TSPAN3: variants seen among roughly 807,000 people sequenced by gnomAD.
The protein encoded by TSPAN3 is tetraspanin-3.
Under a neutral mutation model 31.1 loss-of-function variants are expected in TSPAN3, and 9 were observed. That is an observed-to-expected ratio of 0.29 (90% CI 0.17 to 0.50). The LOEUF (loss-of-function observed/expected upper bound fraction) is 0.50, where lower values mean the gene tolerates loss of function less well. Among genes scored for constraint, TSPAN3 ranks in the 20% least tolerant of loss-of-function variants. The pLI is 0.98. For synonymous variants in TSPAN3, 129 were observed against 114.3 expected (o/e 1.13, Z -0.82); for missense variants, 252 against 313.5 (o/e 0.80, Z 1.48).
At position 77,053,565 on chromosome 15, in the gene TSPAN3, A is replaced by G. The variant is rs142938442; in HGVS notation, c.432+613T>C. 1.8e-3 allele frequency among the ~76,000 whole-genome samples: 268 copies of G among 149,918 alleles called. 1 individual carries two copies. The highest frequency in any genetic ancestry group is 6.0e-3 in the African/African-American group (243 of 40,832). On this transcript the variant is annotated intron_variant, in intron 4 of 6. Transcript: ENST00000267970. The stretch of plus-strand genomic sequence containing the variant: ...AAAATCTTCATGTCTTACATGTTAA[A>G]TATCTGGTTCCATGTTAAATATTAT...
At chr15:77,061,331 C>G (rs1219118335) in intron 1 of TSPAN3, among the ~76,000 whole-genome samples, 5 of 152,064 alleles carry the variant, frequency 3.3e-5, no homozygotes, top group African/African-American at 1.2e-4. Context: ...AATTCGAGAC[C>G]GGCCTGACCA....
chr15:77,063,478 G>A (rs1000237240), intron 1 of TSPAN3: 1 of 151,902 alleles, frequency 6.6e-6, no homozygotes, highest in Admixed American at 6.6e-5. Flanking sequence ...CTTACTTGTA[G>A]CTAGGATTAC....
chr15:77,059,042 G>C (rs569867583), intron 1 of TSPAN3, among the ~76,000 whole-genome samples: 1 of 152,138 alleles, frequency 6.6e-6, no homozygotes, highest in Non-Finnish European at 1.5e-5. Context: ...AAGTGGGGGG[G>C]AGTGGAGAAG....
At chr15:77,057,121 C>T (rs549284010) in intron 1 of TSPAN3, among the ~76,000 whole-genome samples, 1 of 152,366 alleles carries the variant, frequency 6.6e-6, no homozygotes, top group Non-Finnish European at 1.5e-5. Context: ...GCTGCAGAGT[C>T]TTACTTTCTC....
rs2152695780 is a variant in TSPAN3 at position 77,052,481 on chromosome 15, C to G, written c.586-13G>C. ...GAGCCTCACACCCCTGTAACAAACA[C>G]AGTCATCCTCGTTAGAAGTGTTCTT... On this transcript the variant is annotated splice_polypyrimidine_tract_variant and intron_variant, in intron 5 of 6. Transcript: ENST00000267970. 1 of 1,610,322 alleles carries G rather than the reference C, an allele frequency of 6.2e-7. No individual in the cohort carries two copies. The highest frequency in any genetic ancestry group is 1.1e-5 in the South Asian group (1 of 91,028).
At chr15:77,052,971 A>AGTTTTTCTGT in intron 4 of TSPAN3, 42 bp from the exon 5 acceptor site, 1 of 1,578,388 alleles carries the variant, frequency 6.3e-7, no homozygotes, top group Non-Finnish European at 8.6e-7. Flanking sequence ...ACAAAAACCA[A>AGTTTTTCTGT]ATACCTGAAG....
intron 1 of TSPAN3, among the ~76,000 whole-genome samples, chr15:77,063,038 G>A (rs1568544948): frequency 6.6e-6 from 1 of 152,108 alleles, no homozygotes. Context: ...TAGAATAATA[G>A]TTAAAATTAT....
chr15:77,057,553 T>C (rs1476992531), intron 1 of TSPAN3, among the ~76,000 whole-genome samples: 1 of 152,240 alleles, frequency 6.6e-6, no homozygotes, highest in Non-Finnish European at 1.5e-5. Flanking sequence ...TTTTTTAAAA[T>C]GTAACATGAA....
chr15:77,055,798 G>A lies in TSPAN3; in HGVS notation c.321C>T (p.Tyr107=). The A allele has an allele frequency of 6.2e-7, 1 of 1,609,292 alleles. No homozygotes were observed. The highest frequency in any genetic ancestry group is 8.5e-7 in the Non-Finnish European group (1 of 1,178,802). The change falls in exon 3 of 7, where the codon TAC becomes TAT. Residue 107 remains tyrosine, a synonymous_variant. Coordinates refer to ENST00000267970, the MANE Select transcript of TSPAN3 (RefSeq NM_005724.6). ...ACAGTAGACAACATACCTTTGCTCT[G>A]TAAACATATCCCAAAACCACTACAA... ...EVVVVVLGYV[Y]RAKVENEVDR...
At chr15:77,062,649 A>T (rs190235287) in intron 1 of TSPAN3, among the ~76,000 whole-genome samples, 5 of 152,340 alleles carry the variant, frequency 3.3e-5, no homozygotes, top group African/African-American at 7.2e-5. Context: ...CTGGCAATAC[A>T]TATCTGCCTC....
At chr15:77,058,937 C>A (rs1227553026) in intron 1 of TSPAN3, among the ~76,000 whole-genome samples, 3 of 152,164 alleles carry the variant, frequency 2.0e-5, no homozygotes, top group Non-Finnish European at 4.4e-5. Context: ...AATATAAACA[C>A]TGTACTTACA....
At chr15:77,048,202 A>G (rs993954944) in intron 6 of TSPAN3, among the ~76,000 whole-genome samples, 12 of 152,252 alleles carry the variant, frequency 7.9e-5, no homozygotes, top group African/African-American at 2.9e-4. Flanking sequence ...AGACCGATGA[A>G]GTACCTAATT....
Position 77,042,342 on chromosome 15 carries a change from T to C in TSPAN3, c.*4493A>G, listed in dbSNP as rs1027234389. On this transcript the variant is annotated 3_prime_UTR_variant, in exon 7 of 7. Transcript: ENST00000267970. ...AGTAAGACAAGCTCTGTCAATCATC[T>C]ATAGGACAAGAAGCAAAGACACCCC... 1.3e-5 allele frequency: 2 copies of C among 152,148 alleles called. No individual in the cohort carries two copies. Among genetic ancestry groups the C allele is most frequent in the Non-Finnish European group, 2.9e-5 (2 of 68,026 alleles). 9.4% of individuals were successfully genotyped at this position (152,148 alleles called of 1,614,324 possible). A position where few individuals can be genotyped will look rare whatever the true frequency, so the allele number is the denominator to read the frequency against.
chr15:77,049,247 G>A (rs1270929473), intron 6 of TSPAN3, among the ~76,000 whole-genome samples: 2 of 152,134 alleles, frequency 1.3e-5, no homozygotes, highest in African/African-American at 2.4e-5. Context: ...TGGTAATTGA[G>A]GAGGAGGAGG....
At chr15:77,050,872 G>A (rs186364937) in intron 6 of TSPAN3, among the ~76,000 whole-genome samples, 59 of 152,262 alleles carry the variant, frequency 3.9e-4, no homozygotes, top group Middle Eastern at 3.4e-3. Context: ...GCTTTTTAAT[G>A]AATCATTTCA....
In TSPAN3 at chr15:77,053,930, T is replaced by C. The variant is rs192661689; in HGVS notation, c.432+248A>G. Among the ~76,000 whole-genome samples, 327 of 152,122 alleles carry C rather than the reference T, an allele frequency of 2.1e-3. 1 individual carries two copies. Among genetic ancestry groups the C allele is most frequent in the Non-Finnish European group, 3.2e-3 (220 of 68,002 alleles). On this transcript the variant is annotated intron_variant, in intron 4 of 6. Coordinates refer to ENST00000267970, the MANE Select transcript of TSPAN3 (RefSeq NM_005724.6). ...GTCATCACCCCTTTGGCTAAGTACT[T>C]TGGGAGAGTACAGACTGGGGTCAGG... is the stretch of plus-strand genomic sequence containing the variant.
chr15:77,055,705 C>T, intron 3 of TSPAN3, 84 bp downstream of exon 3: 1 of 1,073,418 alleles, frequency 9.3e-7, no homozygotes, highest in Non-Finnish European at 1.4e-6. Context: ...AATGTTTACT[C>T]TGATAAAATG....
At chr15:77,057,694 T>A (rs565570032) in intron 1 of TSPAN3, among the ~76,000 whole-genome samples, 3 of 152,332 alleles carry the variant, frequency 2.0e-5, no homozygotes, top group Non-Finnish European at 4.4e-5. Flanking sequence ...TGCTCACTTT[T>A]TCATTCTCTT....
At chr15:77,050,560 A>ATATACAT (rs2076723821) in intron 6 of TSPAN3, among the ~76,000 whole-genome samples, 1 of 152,230 alleles carries the variant, frequency 6.6e-6, no homozygotes, top group Non-Finnish European at 1.5e-5. Flanking sequence ...TATTTTTATC[A>ATATACAT]GTCTTCTATA....
Sources: gnomAD v4.1 joint callset for allele counts (sites outside exome capture counted in the v4.1 genomes callset) on GRCh38, gnomAD v4.1.1 for gene constraint, MANE v1.5 for transcripts, NCBI Gene and HGNC (gene_info 2026-07-23, HGNC 2026-07-21) for gene names.